Variants in TPRG1 observed in about 807,000 individuals in gnomAD.
TPRG1 encodes the protein tumor protein p63-regulated gene 1 protein.
In TPRG1, 29 loss-of-function variants were observed where a neutral mutation model predicts 29.3. The observed-to-expected ratio is 0.99, with a 90% confidence interval of 0.74 to 1.35. TPRG1 has a LOEUF of 1.35. TPRG1 is among the 40% of genes most tolerant of loss of function. The pLI, the probability that TPRG1 is intolerant of heterozygous loss-of-function variation, is 0.00. For synonymous variants in TPRG1, 130 were observed against 116.8 expected, an observed-to-expected ratio of 1.11 and a Z score of -0.73; for missense variants, 327 against 335.0, an observed-to-expected ratio of 0.98 and a Z score of 0.19.
intron 3 of TPRG1, among the ~76,000 whole-genome samples, chr3:189,008,039 A>G (rs988489142): frequency 1.0e-4 from 15 of 149,450 alleles, no homozygotes; most frequent in Non-Finnish European, 2.1e-4. Flanking sequence ...CTAAAACCTA[A>G]AGTATAATAA....
At chr3:189,109,543 G>A (rs577587482) in intron 1 of TPRG1, among the ~76,000 whole-genome samples, 1 of 152,218 alleles carries the variant, frequency 6.6e-6, no homozygotes, top group Admixed American at 6.5e-5. Context: ...CTGAAGATAA[G>A]TTCATCCACC....
chr3:189,284,041 T>A (rs1717600289), intron 4 of TPRG1, among the ~76,000 whole-genome samples: 1 of 152,186 alleles, frequency 6.6e-6, no homozygotes, highest in South Asian at 2.1e-4. Flanking sequence ...CAAAAATGAA[T>A]GCACCGATGC....
chr3:189,153,935 G>T (rs1053612639), intron 5 of TPRG1, among the ~76,000 whole-genome samples: 1 of 152,204 alleles, frequency 6.6e-6, no homozygotes, highest in Non-Finnish European at 1.5e-5. Flanking sequence ...ATAATTGCTG[G>T]CCAGGACAGC....
intron 3 of TPRG1, among the ~76,000 whole-genome samples, chr3:189,231,612 A>G (rs1738668675): frequency 6.6e-6 from 1 of 152,162 alleles, no homozygotes; most frequent in Non-Finnish European, 1.5e-5. Flanking sequence ...ATACACTATT[A>G]TTATCTTCAT....
intron 1 of TPRG1, among the ~76,000 whole-genome samples, chr3:189,204,651 C>A (rs1371257179): frequency 1.3e-5 from 2 of 152,144 alleles, no homozygotes; most frequent in East Asian, 3.9e-4. Flanking sequence ...GGAAGTGGTG[C>A]TAATTAAATC....
intron 4 of TPRG1, among the ~76,000 whole-genome samples, chr3:189,049,558 A>G (rs1715185528): frequency 6.6e-6 from 1 of 152,120 alleles, no homozygotes; most frequent in Non-Finnish European, 1.5e-5. Flanking sequence ...GTCCTTCCCT[A>G]TCCACACAGG....
chr3:189,287,774 G>A (rs951522235), intron 4 of TPRG1, among the ~76,000 whole-genome samples: 41 of 152,150 alleles, frequency 2.7e-4, no homozygotes, highest in African/African-American at 9.4e-4. Flanking sequence ...TTAAATACCA[G>A]CATTTTCAAT....
chr3:189,262,446 T>A (rs1713285748), intron 4 of TPRG1, among the ~76,000 whole-genome samples: 1 of 151,974 alleles, frequency 6.6e-6, no homozygotes, highest in Admixed American at 6.6e-5. Context: ...TTCACTCAAG[T>A]GTCATCTGTT....
At chr3:189,269,226 T>G (rs1167442887) in intron 4 of TPRG1, among the ~76,000 whole-genome samples, 1 of 152,146 alleles carries the variant, frequency 6.6e-6, no homozygotes, top group Non-Finnish European at 1.5e-5. Flanking sequence ...ATGTTTTGGG[T>G]ACTCCAGTAA....
chr3:189,258,923 T>G (rs935632278), intron 4 of TPRG1, among the ~76,000 whole-genome samples: 8 of 152,172 alleles, frequency 5.3e-5, no homozygotes, highest in African/African-American at 1.9e-4. Context: ...AGCCAGTGGA[T>G]CTTAGCTTGC....
chr3:189,170,433 C>T (rs1728678985), upstream of TPRG1, among the ~76,000 whole-genome samples: 1 of 152,152 alleles, frequency 6.6e-6, no homozygotes, highest in Admixed American at 6.5e-5. Flanking sequence ...TCTTAACAGC[C>T]CGGATCTAAT....
At chr3:189,268,732 A>G (rs1464835148) in intron 4 of TPRG1, among the ~76,000 whole-genome samples, 2 of 152,178 alleles carry the variant, frequency 1.3e-5, no homozygotes, top group East Asian at 1.9e-4. Context: ...TCGTAATAGC[A>G]AGATCCTGAA....
Position 189,275,390 on chromosome 3 carries a change from A to G in TPRG1, c.480-34996A>G, listed in dbSNP as rs112018271. 5.5e-3 allele frequency among the ~76,000 whole-genome samples: 844 copies of G among 152,284 alleles called. 13 individuals carry two copies. The highest frequency in any genetic ancestry group is 0.02 in the African/African-American group (814 of 41,548). ...ATACAGCTATATTATAAGGTGCAAT[A>G]AGGATATGCCAGTGGAGACGAATTG... On this transcript the variant is annotated intron_variant, in intron 4 of 5. Coordinates refer to ENST00000345063, the MANE Select transcript of TPRG1 (RefSeq NM_198485.4).
At chr3:189,083,051 C>T (rs943178648) in intron 4 of TPRG1, among the ~76,000 whole-genome samples, 1 of 152,050 alleles carries the variant, frequency 6.6e-6, no homozygotes, top group Non-Finnish European at 1.5e-5. Context: ...TTTCCATTGA[C>T]TGGGATTGAG....
intron 4 of TPRG1, among the ~76,000 whole-genome samples, chr3:189,265,134 TA>T (rs1252118956): frequency 1.3e-5 from 2 of 152,218 alleles, no homozygotes; most frequent in African/African-American, 4.8e-5. Context: ...GTGTGGTTGG[TA>T]TTTTGATTTG....
chr3:189,140,444 G>A lies in TPRG1; in HGVS notation c.-290-7140G>A, dbSNP rs537248462. On this transcript the variant is annotated intron_variant, in intron 3 of 6. Transcript: ENST00000412373. ...TATAGGGGATTAAATCCCTACACAC[G>A]GGACTTATGTCAACAAATCATTGCT... is the stretch of plus-strand genomic sequence containing the variant. Among the ~76,000 whole-genome samples, 5 of 152,146 alleles carry A rather than the reference G, an allele frequency of 3.3e-5. No individual in the cohort carries two copies. The East Asian group carries it at 5.8e-4, about 18-fold the overall frequency.
In TPRG1 at chr3:189,023,201, G is replaced by C. The variant is rs1323996428; in HGVS notation, c.-659-549G>C. 2.6e-5 allele frequency among the ~76,000 whole-genome samples: 4 copies of C among 152,196 alleles called. 1 individual carries two copies. The highest frequency in any genetic ancestry group is 5.9e-5 in the Non-Finnish European group (4 of 68,038). Reference sequence around the variant, plus strand: ...ATCACCCGTCTTCTGCGTCGCTCACGCTGGGAGCTGCAGACCGGAGCTGTT... The same window carrying C: ...ATCACCCGTCTTCTGCGTCGCTCACCCTGGGAGCTGCAGACCGGAGCTGTT... On this transcript the variant is annotated intron_variant, in intron 3 of 10. Coordinates refer to the TPRG1 transcript ENST00000433971.
intron 4 of TPRG1, among the ~76,000 whole-genome samples, chr3:189,060,140 G>A (rs1343081241): frequency 6.6e-6 from 1 of 152,194 alleles, no homozygotes; most frequent in Non-Finnish European, 1.5e-5. Flanking sequence ...GCTGAGGCAG[G>A]AAAATCACTT....
chr3:189,054,775 G>A (rs1384719550), intron 4 of TPRG1, among the ~76,000 whole-genome samples: 1 of 151,932 alleles, frequency 6.6e-6, no homozygotes, highest in Non-Finnish European at 1.5e-5. Flanking sequence ...GTGAAACACT[G>A]TCTCTTAAAA....
Sources: allele counts gnomAD v4.1 joint callset (sites outside exome capture counted in the v4.1 genomes callset), GRCh38; gene constraint gnomAD v4.1.1; transcripts MANE v1.5; gene names NCBI Gene and HGNC (gene_info 2026-07-23, HGNC 2026-07-21).